DPH6: variants seen among roughly 807,000 people sequenced by gnomAD.
The protein encoded by DPH6 is diphthine--ammonia ligase.
In DPH6, 33 loss-of-function variants were observed where a neutral mutation model predicts 38.2. That is an observed-to-expected ratio of 0.86 (90% CI 0.65 to 1.15). The LOEUF (loss-of-function observed/expected upper bound fraction) is 1.15. Among genes scored for constraint, DPH6 ranks in the 50% most tolerant of loss-of-function variants. The pLI is 0.00. For missense variants in DPH6, 325 were observed against 320.0 expected (o/e 1.02, Z -0.12); for synonymous variants, 108 against 103.0 (o/e 1.05, Z -0.30).
chr15:35,221,735 T>C (rs2051444657), intron 3 of DPH6, among the ~76,000 whole-genome samples: 1 of 152,200 alleles, frequency 6.6e-6, no homozygotes, highest in Admixed American at 6.5e-5. Flanking sequence ...CCCGTTGGTA[T>C]TCTCTCCCAA....
At chr15:35,523,589 TA>T (rs2054956217) in intron 3 of DPH6, among the ~76,000 whole-genome samples, 1 of 152,072 alleles carries the variant, frequency 6.6e-6, no homozygotes, top group African/African-American at 2.4e-5. Context: ...TTGCTTTCCA[TA>T]AATGGAAAAA....
At chr15:35,434,428 A>T (rs2053670374) in intron 5 of DPH6, among the ~76,000 whole-genome samples, 3 of 152,236 alleles carry the variant, frequency 2.0e-5, no homozygotes, top group Non-Finnish European at 4.4e-5. Context: ...TAAAGGGAAA[A>T]GCAGTAAAAC....
rs2053785071 is a variant in DPH6, at chr15:35,441,345, A to G, written c.505+9340T>C. Reference sequence around the variant, plus strand: ...AAAGGCTTATAAATCATTCTACTATAAAGACACATGCACATGTATGTTTAC... The same window carrying G: ...AAAGGCTTATAAATCATTCTACTATGAAGACACATGCACATGTATGTTTAC... On this transcript the variant is annotated intron_variant, in intron 5 of 8. Coordinates refer to ENST00000256538, the MANE Select transcript of DPH6 (RefSeq NM_080650.4). Among the ~76,000 whole-genome samples the G allele has an allele frequency of 2.0e-5, 3 of 152,190 alleles. No homozygotes were observed. The South Asian group carries it at 6.2e-4, about 32-fold the overall frequency.
Position 35,246,168 on chromosome 15 carries a change from G to A in DPH6, n.201-25586C>T, listed in dbSNP as rs144447065. On this transcript the variant is annotated intron_variant and non_coding_transcript_variant, in intron 3 of 3. Transcript: ENST00000560386. ...ATCTCCCTTTGCTGACTCTCTTTTC[G>A]GACTCAGCCCACCTGCACCCAGGTG... Among the ~76,000 whole-genome samples the A allele has an allele frequency of 5.7e-4, 87 of 152,024 alleles. No individual in the cohort carries two copies. In the East Asian group the frequency reaches 0.016, roughly 28 times the overall value.
intron 3 of DPH6, among the ~76,000 whole-genome samples, chr15:35,360,596 C>T (rs921163579): frequency 2.0e-5 from 3 of 152,058 alleles, no homozygotes; most frequent in Non-Finnish European, 4.4e-5. Flanking sequence ...GTAGCACTGC[C>T]CCCAGGCCAT....
At chr15:35,320,492 T>C (rs532647385) in intron 3 of DPH6, among the ~76,000 whole-genome samples, 5 of 152,324 alleles carry the variant, frequency 3.3e-5, no homozygotes, top group Admixed American at 6.5e-5. Context: ...TTTCTATATT[T>C]GTGGCTTTAT....
At chr15:35,352,687 A>C (rs1311286472) in intron 3 of DPH6, among the ~76,000 whole-genome samples, 2 of 152,114 alleles carry the variant, frequency 1.3e-5, no homozygotes, top group Non-Finnish European at 2.9e-5. Flanking sequence ...TCATTGTTGG[A>C]CATTTGGCTT....
At chr15:35,170,318 G>C in the DPH6 span, among the ~76,000 whole-genome samples, 1 of 152,164 alleles carries the variant, frequency 6.6e-6, no homozygotes, top group Non-Finnish European at 1.5e-5. Context: ...TTGGTAGCTA[G>C]CTACACAGCG....
At chr15:35,299,004 C>G (rs1828473611) in intron 3 of DPH6, 2 of 742,592 alleles carry the variant, frequency 2.7e-6, no homozygotes, top group African/African-American at 1.7e-5. Flanking sequence ...ATCTGAACTC[C>G]TTGAAAACTC....
chr15:35,406,656 T>C (rs1469111387), intron 6 of DPH6, among the ~76,000 whole-genome samples: 1 of 152,032 alleles, frequency 6.6e-6, no homozygotes, highest in Admixed American at 6.6e-5. Context: ...TGAAATTATT[T>C]ATTACAATTC....
chr15:35,155,744 AT>A, the DPH6 span, among the ~76,000 whole-genome samples: 1 of 152,218 alleles, frequency 6.6e-6, no homozygotes. Context: ...GTTCAATCTT[AT>A]TTGAATTGTG....
chr15:35,343,499 A>G (rs2052438317), intron 3 of DPH6, among the ~76,000 whole-genome samples: 1 of 152,028 alleles, frequency 6.6e-6, no homozygotes, highest in African/African-American at 2.4e-5. Context: ...TGTTGCTTCT[A>G]TGAATACCAC....
At chr15:35,424,308 C>A (rs931551342) in intron 5 of DPH6, among the ~76,000 whole-genome samples, 1 of 151,372 alleles carries the variant, frequency 6.6e-6, no homozygotes, top group Non-Finnish European at 1.5e-5. Context: ...TTATTTTATT[C>A]TTCTTGTCGC....
At chr15:35,542,295 G>C in intron 2 of DPH6, 118 bp downstream of exon 2, 1 of 782,066 alleles carries the variant, frequency 1.3e-6, no homozygotes, top group Admixed American at 2.3e-5. Context: ...CATCTAATGG[G>C]TGCTTAATAT....
intron 3 of DPH6, among the ~76,000 whole-genome samples, chr15:35,516,708 G>C (rs889734615): frequency 1.3e-5 from 2 of 151,982 alleles, no homozygotes; most frequent in African/African-American, 4.8e-5. Flanking sequence ...CCACTTTTTT[G>C]GTCTCCAGGC....
At chr15:35,165,443 C>G in the DPH6 span, among the ~76,000 whole-genome samples, 2 of 151,944 alleles carry the variant, frequency 1.3e-5, no homozygotes, top group Admixed American at 6.6e-5. Flanking sequence ...GGTGGTGAAG[C>G]TTTCAAATAT....
intron 3 of DPH6, chr15:35,522,057 G>C: frequency 6.3e-7 from 1 of 1,598,316 alleles, no homozygotes; most frequent in Non-Finnish European, 8.5e-7. Context: ...TTTTTAAACA[G>C]GAAAAGGGTT....
At chr15:35,233,838 G>A (rs2051534682) in intron 3 of DPH6, among the ~76,000 whole-genome samples, 1 of 152,094 alleles carries the variant, frequency 6.6e-6, no homozygotes, top group Non-Finnish European at 1.5e-5. Context: ...TATTTTCATT[G>A]TCTTTAATGC....
At chr15:35,282,959 G>A in intron 3 of DPH6, 1 of 305,646 alleles carries the variant, frequency 3.3e-6, no homozygotes. Flanking sequence ...GTTCAGGCTT[G>A]GCCTGCACAT....
Sources: gnomAD v4.1 joint callset for allele counts (sites outside exome capture counted in the v4.1 genomes callset) on GRCh38, gnomAD v4.1.1 for gene constraint, MANE v1.5 for transcripts, NCBI Gene and HGNC (gene_info 2026-07-23, HGNC 2026-07-21) for gene names.